Variants in ZNF804B observed in about 807,000 individuals in gnomAD.
The protein encoded by ZNF804B is zinc finger protein 804B, also known as zinc finger 804B.
Under a neutral mutation model 101.4 loss-of-function variants are expected in ZNF804B, and 80 were observed. That is an observed-to-expected ratio of 0.79 (90% CI 0.66 to 0.95). The LOEUF (loss-of-function observed/expected upper bound fraction) is 0.95, where lower values mean the gene tolerates loss of function less well. Ranked by LOEUF, ZNF804B falls within the 40% of genes least tolerant of loss-of-function variation. The pLI, the probability that ZNF804B is intolerant of heterozygous loss-of-function variation, is 0.00. For synonymous variants in ZNF804B, 622 were observed against 558.8 expected (o/e 1.11, Z -1.59); for missense variants, 1,673 against 1,561.9 (o/e 1.07, Z -1.20).
intron 1 of ZNF804B, among the ~76,000 whole-genome samples, chr7:89,158,604 C>T (rs1791012709): frequency 6.6e-6 from 1 of 152,076 alleles, no homozygotes; most frequent in Non-Finnish European, 1.5e-5. Context: ...TACAAATCTT[C>T]TTCATCTTGC....
intron 1 of ZNF804B, among the ~76,000 whole-genome samples, chr7:89,169,152 G>C (rs1791188801): frequency 6.6e-6 from 1 of 152,152 alleles, no homozygotes; most frequent in Non-Finnish European, 1.5e-5. Context: ...ATCCGGAGGA[G>C]TGAAAGTCAA....
chr7:89,021,607 G>C (rs1431711258), intron 1 of ZNF804B, among the ~76,000 whole-genome samples: 2 of 152,194 alleles, frequency 1.3e-5, no homozygotes, highest in Non-Finnish European at 2.9e-5. Context: ...TGCTGGAGGT[G>C]GCCTGTCAGG....
chr7:88,772,599 A>C (rs1017187286), intron 1 of ZNF804B, among the ~76,000 whole-genome samples: 4 of 152,210 alleles, frequency 2.6e-5, no homozygotes, highest in African/African-American at 9.7e-5. Flanking sequence ...ACAACATGTG[A>C]TCTGATTGTA....
intron 1 of ZNF804B, among the ~76,000 whole-genome samples, chr7:89,042,564 C>T (rs1789031695): frequency 6.6e-6 from 1 of 151,882 alleles, no homozygotes; most frequent in Non-Finnish European, 1.5e-5. Context: ...ACTTTGTTTT[C>T]CTATATAGTT....
chr7:88,883,154 T>C (rs1017516521), intron 1 of ZNF804B, among the ~76,000 whole-genome samples: 2 of 152,096 alleles, frequency 1.3e-5, no homozygotes, highest in Non-Finnish European at 2.9e-5. Context: ...CCAGCCATCA[T>C]TTGCAAATTT....
intron 2 of ZNF804B, among the ~76,000 whole-genome samples, chr7:89,231,704 G>A (rs1789194153): frequency 1.3e-5 from 2 of 151,928 alleles, no homozygotes; most frequent in Admixed American, 1.3e-4. Context: ...ATTTGAAAGG[G>A]AATTTTAATT....
chr7:88,790,326 A>G (rs1223334205), intron 1 of ZNF804B, among the ~76,000 whole-genome samples: 1 of 152,070 alleles, frequency 6.6e-6, no homozygotes. Flanking sequence ...TTTTTTACGT[A>G]GGTAAATGTA....
At chr7:89,064,117 C>G (rs1053474273) in intron 1 of ZNF804B, among the ~76,000 whole-genome samples, 13 of 152,068 alleles carry the variant, frequency 8.5e-5, no homozygotes, top group African/African-American at 2.7e-4. Context: ...TCAAGATGCA[C>G]TGCAGCATTG....
At position 89,094,496 on chromosome 7, in the gene ZNF804B, C is replaced by T. The variant is rs528103759; in HGVS notation, c.109-123659C>T. On this transcript the variant is annotated intron_variant, in intron 1 of 3. Transcript: ENST00000333190. ...TTTGAGTCATATGAAATTGCCTCCA[C>T]TGCTGTCCATAAAACAAATATTGGA... Among the ~76,000 whole-genome samples the T allele has an allele frequency of 1.2e-4, 18 of 152,188 alleles. No individual in the cohort carries two copies. The East Asian group carries it at 3.3e-3, about 28-fold the overall frequency.
At chr7:89,192,894 C>G (rs978463135) in intron 1 of ZNF804B, among the ~76,000 whole-genome samples, 6 of 151,968 alleles carry the variant, frequency 3.9e-5, no homozygotes, top group Non-Finnish European at 2.9e-5. Context: ...GAACTACAAA[C>G]TAACCACATG....
chr7:88,827,774 T>C (rs1011049624), intron 1 of ZNF804B, among the ~76,000 whole-genome samples: 1 of 152,102 alleles, frequency 6.6e-6, no homozygotes, highest in Admixed American at 6.6e-5. Flanking sequence ...CAACACACCC[T>C]GCCAGAAGCG....
At chr7:89,078,980 T>A (rs1789655281) in intron 1 of ZNF804B, among the ~76,000 whole-genome samples, 1 of 152,110 alleles carries the variant, frequency 6.6e-6, no homozygotes, top group African/African-American at 2.4e-5. Flanking sequence ...TAGTTCTTGT[T>A]ACTCTTTTTC....
chr7:89,284,674 T>C (rs1790153991), intron 2 of ZNF804B, among the ~76,000 whole-genome samples: 1 of 152,036 alleles, frequency 6.6e-6, no homozygotes, highest in Non-Finnish European at 1.5e-5. Context: ...AGGATTGCTA[T>C]AAGAAAGGCA....
At chr7:88,980,040 T>C (rs1300605169) in intron 1 of ZNF804B, among the ~76,000 whole-genome samples, 1 of 152,044 alleles carries the variant, frequency 6.6e-6, no homozygotes, top group African/African-American at 2.4e-5. Context: ...GTTGGATTTT[T>C]CAGCTGCAGA....
chr7:89,298,211 T>TA (rs1234002710), intron 2 of ZNF804B, among the ~76,000 whole-genome samples: 19 of 72,950 alleles, frequency 2.6e-4, no homozygotes, highest in African/African-American at 1.1e-3. Flanking sequence ...AGTGTGTGTG[T>TA]GTGTGTATAT....
At chr7:89,270,049 G>A (rs1302726985) in intron 2 of ZNF804B, among the ~76,000 whole-genome samples, 1 of 152,138 alleles carries the variant, frequency 6.6e-6, no homozygotes, top group East Asian at 1.9e-4. Context: ...CTTTTGCTGT[G>A]CAGAAACTCT....
intron 1 of ZNF804B, among the ~76,000 whole-genome samples, chr7:88,980,280 C>A (rs2116131268): frequency 6.6e-6 from 1 of 152,090 alleles, no homozygotes; most frequent in African/African-American, 2.4e-5. Flanking sequence ...GGTCACATAT[C>A]TCTGTCAGTC....
chr7:88,851,801 A>T (rs548038855), intron 1 of ZNF804B, among the ~76,000 whole-genome samples: 33 of 152,206 alleles, frequency 2.2e-4, no homozygotes, highest in African/African-American at 7.9e-4. Context: ...TGCATCATGG[A>T]ATTTATAACA....
intron 1 of ZNF804B, among the ~76,000 whole-genome samples, chr7:89,186,635 T>C (rs970572936): frequency 3.5e-4 from 54 of 152,178 alleles, no homozygotes; most frequent in African/African-American, 1.1e-3. Flanking sequence ...AATCTTCTTT[T>C]GTATATAAAA....
Sources: gnomAD v4.1 joint callset for allele counts (sites outside exome capture counted in the v4.1 genomes callset) on GRCh38, gnomAD v4.1.1 for gene constraint, MANE v1.5 for transcripts, NCBI Gene and HGNC (gene_info 2026-07-23, HGNC 2026-07-21) for gene names.